Variants in EIF4G3 observed in about 807,000 individuals in gnomAD.
EIF4G3 encodes eukaryotic translation initiation factor 4 gamma 3.
EIF4G3 carries 34 observed loss-of-function variants against 186.4 expected under a neutral mutation model. The observed-to-expected ratio is 0.18, with a 90% confidence interval of 0.14 to 0.24. EIF4G3 has a LOEUF of 0.24. Ranked by LOEUF, EIF4G3 falls within the 10% of genes least tolerant of loss-of-function variation. The pLI, the probability that EIF4G3 is intolerant of heterozygous loss-of-function variation, is 1.00. For missense variants in EIF4G3, 1,536 were observed against 1,948.5 expected (o/e 0.79, Z 3.99); for synonymous variants, 673 against 679.5 (o/e 0.99, Z 0.15).
chr1:20,862,378 C>T (rs17409373), intron 22 of EIF4G3, 46 bp from the exon 23 acceptor site: 15 of 1,181,740 alleles, frequency 1.3e-5, no homozygotes, highest in East Asian at 1.2e-4. Context: ...GAAACTTAAA[C>T]GTAATTTTAC....
Position 20,981,081 on chromosome 1 carries a change from T to C in EIF4G3, c.345A>G (p.Pro115=), listed in dbSNP as rs2077856769. Reference sequence around the variant, plus strand: ...TACAGTACTGAGGCCCCTGGGGCACTGGGTACGGCATGGGCAGATGGTTAA... The same window carrying C: ...TACAGTACTGAGGCCCCTGGGGCACCGGGTACGGCATGGGCAGATGGTTAA... ...MMVNHLPMPY[P]VPQGPQYCIP... is the part of the protein sequence containing the mutation. Residue 115 remains proline, a synonymous_variant, in exon 9 of 37, where the codon CCA becomes CCG. Coordinates refer to ENST00000602326, the MANE Select transcript of EIF4G3 (RefSeq NM_001391906.1). The C allele has an allele frequency of 1.2e-6, 2 of 1,612,468 alleles. No homozygotes were observed. Among genetic ancestry groups the C allele is most frequent in the Non-Finnish European group, 1.7e-6 (2 of 1,179,132 alleles).
At chr1:20,837,483 C>T (rs1439724341) in intron 30 of EIF4G3, among the ~76,000 whole-genome samples, 10 of 152,152 alleles carry the variant, frequency 6.6e-5, no homozygotes, top group African/African-American at 1.4e-4. Flanking sequence ...GGATTACAGG[C>T]GTGAGCCACC....
intron 15 of EIF4G3, among the ~76,000 whole-genome samples, chr1:20,903,227 T>C (rs1433540229): frequency 6.6e-6 from 1 of 152,332 alleles, no homozygotes; most frequent in Admixed American, 6.5e-5. Flanking sequence ...ATTTACACAT[T>C]GTTGATGGCT....
At chr1:21,101,477 G>A (rs2096518275) in intron 2 of EIF4G3, among the ~76,000 whole-genome samples, 1 of 142,704 alleles carries the variant, frequency 7.0e-6, no homozygotes, top group African/African-American at 2.6e-5. Context: ...GGCTGAAGTG[G>A]TAGAATCACT....
At chr1:20,846,956 A>G (rs547690378) in intron 29 of EIF4G3, among the ~76,000 whole-genome samples, 4 of 152,348 alleles carry the variant, frequency 2.6e-5, no homozygotes, top group African/African-American at 9.6e-5. Context: ...GTTAAAAACA[A>G]TAGCACCTAA....
chr1:21,172,837 A>G (rs1277813588), intron 2 of EIF4G3, among the ~76,000 whole-genome samples: 1 of 149,490 alleles, frequency 6.7e-6, no homozygotes, highest in Admixed American at 6.7e-5. Flanking sequence ...AATCCTCTCC[A>G]TTGACTTAAG....
chr1:21,030,424 C>A (rs150941240), intron 4 of EIF4G3, among the ~76,000 whole-genome samples: 2,463 of 152,188 alleles, frequency 0.016, 31 homozygotes, highest in Non-Finnish European at 0.024. Context: ...CCCTTTTTGC[C>A]TGCTGCCATC....
At chr1:21,013,028 T>C (rs2087665825) in intron 4 of EIF4G3, among the ~76,000 whole-genome samples, 1 of 151,994 alleles carries the variant, frequency 6.6e-6, no homozygotes, top group African/African-American at 2.4e-5. Flanking sequence ...AATATGAAAG[T>C]AGAAGCAGTA....
intron 2 of EIF4G3, among the ~76,000 whole-genome samples, chr1:21,115,047 G>A (rs1193136288): frequency 6.6e-6 from 1 of 152,176 alleles, no homozygotes; most frequent in Non-Finnish European, 1.5e-5. Context: ...CATTTTCACA[G>A]TTGGCGAAAA....
chr1:21,042,149 G>T (rs1382335504), intron 4 of EIF4G3, among the ~76,000 whole-genome samples: 1 of 152,032 alleles, frequency 6.6e-6, no homozygotes, highest in African/African-American at 2.4e-5. Flanking sequence ...GCCATACCCG[G>T]CTAATTTTTG....
At chr1:20,813,398 TAAAAAAAA>T (rs11303095) in intron 34 of EIF4G3, among the ~76,000 whole-genome samples, 159 bp from the exon 35 acceptor site, 3 of 81,834 alleles carry the variant, frequency 3.7e-5, no homozygotes, top group African/African-American at 1.4e-4. Context: ...CCCTATCTCT[TAAAAAAAA>T]AAAAAAAAAA....
intron 4 of EIF4G3, among the ~76,000 whole-genome samples, chr1:21,018,741 C>T (rs2089930579): frequency 6.6e-6 from 1 of 151,954 alleles, no homozygotes; most frequent in African/African-American, 2.4e-5. Context: ...CACTTAGTTC[C>T]CTTAAGAACT....
intron 4 of EIF4G3, among the ~76,000 whole-genome samples, chr1:21,007,831 C>T (rs1371136100): frequency 1.3e-5 from 2 of 152,104 alleles, no homozygotes; most frequent in East Asian, 3.8e-4. Flanking sequence ...AAATTGACTA[C>T]TTCAGAGACG....
chr1:21,045,934 C>G (rs1433755577), intron 4 of EIF4G3, among the ~76,000 whole-genome samples: 4 of 152,138 alleles, frequency 2.6e-5, no homozygotes, highest in East Asian at 3.9e-4. Flanking sequence ...AAATTCTGAT[C>G]TCATCTAACA....
intron 29 of EIF4G3, among the ~76,000 whole-genome samples, chr1:20,846,365 A>C (rs2071024423): frequency 6.6e-6 from 1 of 152,194 alleles, no homozygotes; most frequent in African/African-American, 2.4e-5. Context: ...CTGGTTTTCA[A>C]GGGTAATACT....
intron 20 of EIF4G3, among the ~76,000 whole-genome samples, chr1:20,866,259 C>A (rs1015502102): frequency 6.6e-6 from 1 of 152,162 alleles, no homozygotes; most frequent in African/African-American, 2.4e-5. Flanking sequence ...TTGATCAAGG[C>A]TGGATGGCTA....
chr1:21,130,770 A>G (rs909639245), intron 2 of EIF4G3, among the ~76,000 whole-genome samples: 3 of 152,184 alleles, frequency 2.0e-5, no homozygotes, highest in Admixed American at 1.3e-4. Context: ...TCTCTGTAAT[A>G]ATGATTAGTA....
intron 34 of EIF4G3, among the ~76,000 whole-genome samples, chr1:20,814,753 C>CT: frequency 1.7e-4 from 2 of 11,524 alleles, no homozygotes; most frequent in Non-Finnish European, 3.4e-4. Context: ...ATTCATCTCC[C>CT]CCTCCCCCTC....
chr1:21,150,020 C>A (rs2097525493), intron 2 of EIF4G3, among the ~76,000 whole-genome samples: 1 of 152,240 alleles, frequency 6.6e-6, no homozygotes. Context: ...TCATTCCCTC[C>A]AAACAGCAGA....
Sources: allele counts gnomAD v4.1 joint callset (sites outside exome capture counted in the v4.1 genomes callset), GRCh38; gene constraint gnomAD v4.1.1; transcripts MANE v1.5; gene names NCBI Gene and HGNC (gene_info 2026-07-23, HGNC 2026-07-21).